GRM7: variants seen among roughly 807,000 people sequenced by gnomAD.
GRM7 encodes the protein metabotropic glutamate receptor 7.
In GRM7, 35 loss-of-function variants were observed where a neutral mutation model predicts 84.5. The observed-to-expected ratio is 0.41, with a 90% confidence interval of 0.32 to 0.55. The LOEUF is 0.55. Ranked by LOEUF, GRM7 falls within the 20% of genes least tolerant of loss-of-function variation. The pLI, the probability that GRM7 is intolerant of heterozygous loss-of-function variation, is 0.19. For missense variants in GRM7, 1,003 were observed against 1,194.6 expected, an observed-to-expected ratio of 0.84 and a Z score of 2.36; for synonymous variants, 487 against 455.1, an observed-to-expected ratio of 1.07 and a Z score of -0.89.
At chr3:7,069,756 T>C (rs759075738) in intron 1 of GRM7, among the ~76,000 whole-genome samples, 17 of 152,068 alleles carry the variant, frequency 1.1e-4, no homozygotes, top group Admixed American at 9.8e-4. Context: ...ACACATGGGT[T>C]GGGGAGGAGT....
At chr3:7,331,606 C>G (rs1031155572) in intron 4 of GRM7, among the ~76,000 whole-genome samples, 7 of 152,170 alleles carry the variant, frequency 4.6e-5, no homozygotes, top group Non-Finnish European at 8.8e-5. Flanking sequence ...ACCTGAAACC[C>G]TGAAGCTTGA....
chr3:7,528,366 A>G (rs1371661176), intron 7 of GRM7, among the ~76,000 whole-genome samples: 1 of 151,964 alleles, frequency 6.6e-6, no homozygotes, highest in Non-Finnish European at 1.5e-5. Context: ...AATTGGTTGT[A>G]ATGTCACTTT....
At chr3:7,375,195 G>T (rs1022580183) in intron 4 of GRM7, among the ~76,000 whole-genome samples, 1 of 150,184 alleles carries the variant, frequency 6.7e-6, no homozygotes, top group Non-Finnish European at 1.5e-5. Flanking sequence ...CCATAAACTG[G>T]CTCTCATTTA....
intron 2 of GRM7, among the ~76,000 whole-genome samples, chr3:7,207,747 A>T (rs1696286449): frequency 6.6e-6 from 1 of 152,250 alleles, no homozygotes; most frequent in Non-Finnish European, 1.5e-5. Context: ...ACAGTAGAAC[A>T]ATAGTAGATA....
intron 7 of GRM7, among the ~76,000 whole-genome samples, chr3:7,542,099 C>T (rs979987919): frequency 6.6e-6 from 1 of 152,158 alleles, no homozygotes; most frequent in African/African-American, 2.4e-5. Context: ...GCATTAGAAC[C>T]TACCCTAATG....
chr3:7,451,589 C>CT (rs1056566743), intron 5 of GRM7, among the ~76,000 whole-genome samples: 1 of 151,994 alleles, frequency 6.6e-6, no homozygotes, highest in African/African-American at 2.4e-5. Flanking sequence ...AGAATGTGGG[C>CT]TTTGGGGTCT....
chr3:6,951,261 C>G (rs889428991), intron 1 of GRM7, among the ~76,000 whole-genome samples: 1 of 152,078 alleles, frequency 6.6e-6, no homozygotes, highest in African/African-American at 2.4e-5. Flanking sequence ...TTATTTTCCT[C>G]CTTTTTAAAA....
At chr3:7,357,018 AT>A in intron 4 of GRM7, among the ~76,000 whole-genome samples, 1 of 149,710 alleles carries the variant, frequency 6.7e-6, no homozygotes. Flanking sequence ...TATAATATAT[AT>A]TTGATATAAA....
intron 8 of GRM7, among the ~76,000 whole-genome samples, chr3:7,600,885 G>C (rs766407985): frequency 6.6e-6 from 1 of 152,094 alleles, no homozygotes; most frequent in East Asian, 1.9e-4. Flanking sequence ...TTTTAGGGTT[G>C]GGAGGTGTGT....
chr3:7,421,193 A>T (rs1696378160), intron 5 of GRM7, among the ~76,000 whole-genome samples: 2 of 152,328 alleles, frequency 1.3e-5, no homozygotes, highest in Admixed American at 6.5e-5. Flanking sequence ...TTGTAAAGGC[A>T]TTTAAGAACA....
chr3:7,660,407 G>A (rs1314482539), intron 8 of GRM7, among the ~76,000 whole-genome samples: 1 of 152,096 alleles, frequency 6.6e-6, no homozygotes, highest in Non-Finnish European at 1.5e-5. Flanking sequence ...GCATGGGCCT[G>A]GGATCTTCCA....
chr3:7,693,241 A>T (rs567277785), intron 9 of GRM7, among the ~76,000 whole-genome samples: 1 of 152,194 alleles, frequency 6.6e-6, no homozygotes, highest in African/African-American at 2.4e-5. Flanking sequence ...TTATAAAAAG[A>T]CTCACCTCTG....
At chr3:7,032,515 G>C (rs1225948653) in intron 1 of GRM7, among the ~76,000 whole-genome samples, 1 of 152,150 alleles carries the variant, frequency 6.6e-6, no homozygotes, top group African/African-American at 2.4e-5. Flanking sequence ...AAGTGTACTT[G>C]GAGACGGATC....
intron 7 of GRM7, among the ~76,000 whole-genome samples, chr3:7,484,736 T>A (rs1167305671): frequency 2.0e-5 from 3 of 152,206 alleles, no homozygotes; most frequent in African/African-American, 7.2e-5. Flanking sequence ...CCTTTTCTGA[T>A]TTAGCCTCTA....
intron 1 of GRM7, among the ~76,000 whole-genome samples, chr3:7,090,728 A>G (rs1020196864): frequency 1.3e-5 from 2 of 152,342 alleles, no homozygotes; most frequent in South Asian, 2.1e-4. Flanking sequence ...AAGGAACTCA[A>G]ACTAGAAACC....
At chr3:7,419,049 C>T (rs1696288746) in intron 5 of GRM7, among the ~76,000 whole-genome samples, 1 of 152,098 alleles carries the variant, frequency 6.6e-6, no homozygotes, top group Non-Finnish European at 1.5e-5. Context: ...CTCTTCTGGG[C>T]TGAATTCAGT....
At chr3:7,634,375 A>C (rs1326647389) in intron 8 of GRM7, among the ~76,000 whole-genome samples, 3 of 151,250 alleles carry the variant, frequency 2.0e-5, no homozygotes, top group Non-Finnish European at 4.4e-5. Context: ...AAAAACATTG[A>C]CAAGTGTTTT....
At chr3:6,911,393 T>G (rs936536499) in intron 1 of GRM7, among the ~76,000 whole-genome samples, 1 of 152,146 alleles carries the variant, frequency 6.6e-6, no homozygotes, top group Non-Finnish European at 1.5e-5. Context: ...TAGTAGAAAT[T>G]TCTTCTGGGA....
chr3:7,206,941 T>A (rs1696259863), intron 2 of GRM7, among the ~76,000 whole-genome samples: 1 of 152,164 alleles, frequency 6.6e-6, no homozygotes. Context: ...GTTGAAAATA[T>A]GGACAAGATA....
Sources: gnomAD v4.1 joint callset for allele counts (sites outside exome capture counted in the v4.1 genomes callset) on GRCh38, gnomAD v4.1.1 for gene constraint, MANE v1.5 for transcripts, NCBI Gene and HGNC (gene_info 2026-07-23, HGNC 2026-07-21) for gene names.